Variants in ASPDH observed in about 807,000 individuals in gnomAD.
ASPDH encodes the protein aspartate dehydrogenase domain containing.
A neutral mutation model predicts 30.5 loss-of-function variants in ASPDH; 25 were observed. The ratio of observed to expected loss-of-function variants is 0.82; its 90% CI spans 0.60 to 1.14. The LOEUF is 1.14. Ranked by LOEUF, ASPDH falls within the 50% of genes most tolerant of loss-of-function variation. ASPDH has a pLI of 0.00. For missense variants in ASPDH, 401 were observed against 381.5 expected (o/e 1.05, Z -0.43); for synonymous variants, 168 against 156.3 (o/e 1.07, Z -0.56).
chr19:50,512,044 G>A, intron 6 of ASPDH, 92 bp downstream of exon 6: 1 of 1,140,022 alleles, frequency 8.8e-7, no homozygotes, highest in Non-Finnish European at 1.2e-6. Context: ...AACAAATACA[G>A]AACCAGAACT....
At position 50,512,651 on chromosome 19, in the gene ASPDH, C is replaced by A; in HGVS notation, c.432+10G>T. The A allele has an allele frequency of 6.5e-7, 1 of 1,530,912 alleles. No homozygotes were observed. The highest frequency in any genetic ancestry group is 8.8e-7 in the Non-Finnish European group (1 of 1,138,430). 94.8% of individuals were successfully genotyped at this position (1,530,912 alleles called of 1,614,324 possible). ...CTCCCCTGGTTCCTGGGGAGCCCAG[C>A]AGGCCTCACCCGGAGGCCCCCAGCT... is the stretch of plus-strand genomic sequence containing the variant. On this transcript the variant is annotated intron_variant, in intron 4 of 6. Coordinates refer to ENST00000389208, the MANE Select transcript of ASPDH (RefSeq NM_001114598.2).
Position 50,513,852 on chromosome 19 carries a change from C to A in ASPDH, c.-29G>T. The A allele has an allele frequency of 6.5e-7, 1 of 1,545,932 alleles. No individual in the cohort carries two copies. The highest frequency in any genetic ancestry group is 2.0e-5 in the Admixed American group (1 of 50,290). ...CCTGAGTGCGGTGTCTGGGGCCTGG[C>A]TCCCTGGGCTGCTCGCTGCCCGCTG... On this transcript the variant is annotated 5_prime_UTR_variant, in exon 1 of 7. Transcript: ENST00000389208. The surrounding 1 kb of genome is among the most constrained non-coding windows in gnomAD (Gnocchi z 4.9).
chr19:50,512,862 C>T, intron 3 of ASPDH, 52 bp from the exon 4 acceptor site: 2 of 1,598,630 alleles, frequency 1.3e-6, no homozygotes, highest in South Asian at 1.1e-5. Flanking sequence ...ATATCCACTT[C>T]AGGGTGGGGT....
In ASPDH at chr19:50,511,704, T is replaced by C. The variant is rs1979891122; in HGVS notation, c.*26A>G. 2.3e-6 allele frequency: 3 copies of C among 1,289,172 alleles called. No homozygotes were observed. In the East Asian group the frequency reaches 9.4e-5, roughly 40 times the overall value. The allele number at this position is 1,289,172 out of a possible 1,614,324, so 79.9% of individuals were successfully genotyped here. On this transcript the variant is annotated 3_prime_UTR_variant, in exon 7 of 7. Transcript: ENST00000389208. ...TGGTGGTGAGAGGCCAGGCAGATGA[T>C]CTTGTCTCGGGAGGGAGGAGGCTTC...
rs1417051722 is a variant in ASPDH at position 50,513,102 on chromosome 19, T to C, written c.198-91A>G. 7.6e-7 allele frequency: 1 copy of C among 1,321,420 alleles called. No homozygotes were observed. The highest frequency in any genetic ancestry group is 1.0e-6 in the Non-Finnish European group (1 of 955,190). 81.9% of individuals were successfully genotyped at this position (1,321,420 alleles called of 1,614,324 possible). A position where few individuals can be genotyped will look rare whatever the true frequency, so the allele number is the denominator to read the frequency against. On this transcript the variant is annotated intron_variant, in intron 2 of 6. Transcript: ENST00000389208. The surrounding 1 kb of genome is among the most constrained non-coding windows in gnomAD (Gnocchi z 4.9). ...CTCCGAGTCTACTGAGGGCTGCCCT[T>C]CTTCTCCCTGACCTGGGAGGCGAAA...
At chr19:50,514,564 G>A (rs373522522), upstream of ASPDH, 28 of 1,613,336 alleles carry the variant, frequency 1.7e-5, no homozygotes, top group African/African-American at 4.0e-5. Flanking sequence ...CGTCCCTCCC[G>A]TTCCCCAGCT....
In ASPDH at chr19:50,512,771, G is replaced by A. The variant is rs1162111256; in HGVS notation, c.322C>T (p.Arg108Trp). Residue 108 changes from arginine to tryptophan, a missense_variant, in exon 4 of 7, where the codon CGG becomes TGG. Transcript: ENST00000389208. ...PSALSDQTTERQLLEASQHWD... is the reference protein window; with the variant it reads ...PSALSDQTTEWQLLEASQHWD... ...TGCTGTGAGGCCTCCAAGAGCTGCC[G>A]CTCTGTGGTCTGGTCACTTAGAGCT... 1 of 1,574,026 alleles carries A rather than the reference G, an allele frequency of 6.4e-7. No individual in the cohort carries two copies. The highest frequency in any genetic ancestry group is 2.3e-5 in the East Asian group (1 of 43,104).
chr19:50,513,772 C>G lies in ASPDH; in HGVS notation c.52G>C (p.Gly18Arg). Residue 18 changes from glycine (G) to arginine (R), a missense_variant and splice_region_variant, in exon 1 of 7, where the codon GGA becomes CGA. Physicochemically the swap from Gly to Arg is moderately radical, Grantham distance 125. Coordinates refer to ENST00000389208, the MANE Select transcript of ASPDH (RefSeq NM_001114598.2). The surrounding 1 kb of genome is among the most constrained non-coding windows in gnomAD (Gnocchi z 4.9). ...AGGCCAAGGATGGTCAGGGACTCAC[C>G]GAGGCGGCCATAGCCCACCACGCCC... is the stretch of plus-strand genomic sequence containing the variant. ...RVGVVGYGRL[G>R]QSLVSRLLAQ... is the part of the protein sequence containing the mutation. 6.5e-7 allele frequency: 1 copy of G among 1,548,540 alleles called. No homozygotes were observed. Among genetic ancestry groups the G allele is most frequent in the South Asian group, 1.2e-5 (1 of 83,946 alleles).
At chr19:50,513,993 G>A (rs995863210), upstream of ASPDH, 8 of 747,234 alleles carry the variant, frequency 1.1e-5, no homozygotes, top group African/African-American at 3.6e-5. This position sits in a 1 kb window ranked among gnomAD's most constrained non-coding sequence, Gnocchi z 4.9. Context: ...GAGTGGAGGC[G>A]GGAGAACCCT....
Position 50,513,626 on chromosome 19 carries a change from G to A in ASPDH, c.52+146C>T. 5 of 769,394 alleles carry A rather than the reference G, an allele frequency of 6.5e-6. No homozygotes were observed. In the South Asian group the frequency reaches 8.8e-5, roughly 14 times the overall value. The allele number at this position is 769,394 out of a possible 1,614,324, so 47.7% of individuals were successfully genotyped here. ...GGGAGACAGAGACGGAGAGGACAGA[G>A]ACCTGGGGTGGGGGTGCAGTGGGCA... is the stretch of plus-strand genomic sequence containing the variant. On this transcript the variant is annotated intron_variant, in intron 1 of 6. Coordinates refer to ENST00000389208, the MANE Select transcript of ASPDH (RefSeq NM_001114598.2). This position sits in a 1 kb window ranked among gnomAD's most constrained non-coding sequence, Gnocchi z 4.9.
chr19:50,512,467 C>T lies in ASPDH; in HGVS notation c.546G>A (p.Gly182=), dbSNP rs779211101. 2 of 1,599,554 alleles carry T rather than the reference C, an allele frequency of 1.3e-6. No individual in the cohort carries two copies. Among genetic ancestry groups the T allele is most frequent in the East Asian group, 4.5e-5 (2 of 44,834 alleles). Reference sequence around the variant, plus strand: ...AATTTCGCGGGGCAAAGGGGCAGAGCCCACGGACAGGGCCTTCGTAGAGCA... The same window carrying T: ...AATTTCGCGGGGCAAAGGGGCAGAGTCCACGGACAGGGCCTTCGTAGAGCA... The part of the protein sequence containing the change: ...CTVLYEGPVR[G]LCPFAPRNSN... Residue 182 remains glycine, a synonymous_variant, in exon 5 of 7, where the codon GGG becomes GGA. Transcript: ENST00000389208.
rs1462204872 is a variant in ASPDH, at chr19:50,512,778, G to A, written c.315C>T (p.Thr105=). The A allele has an allele frequency of 3.8e-6, 6 of 1,580,570 alleles. No individual in the cohort carries two copies. In the Admixed American group the frequency reaches 9.5e-5, roughly 25 times the overall value. The stretch of plus-strand genomic sequence containing the variant: ...AGGCCTCCAAGAGCTGCCGCTCTGT[G>A]GTCTGGTCACTTAGAGCTGAGGGGG... ...VGSPSALSDQ[T]TERQLLEASQ... The change falls in exon 4 of 7, where the codon ACC becomes ACT. Residue 105 remains threonine, a synonymous_variant. Transcript: ENST00000389208.
chr19:50,513,972 T>A (rs372523265), upstream of ASPDH: 649 of 995,548 alleles, frequency 6.5e-4, 5 homozygotes, highest in African/African-American at 9.9e-3. This position sits in a 1 kb window ranked among gnomAD's most constrained non-coding sequence, Gnocchi z 4.9. Flanking sequence ...CGTGGGGGCG[T>A]GGGCCTGCGG....
chr19:50,514,812 G>T (rs939523286), upstream of ASPDH: 2 of 1,241,380 alleles, frequency 1.6e-6, no homozygotes, highest in East Asian at 3.8e-5. Flanking sequence ...GGGTGGGGGG[G>T]GCGGGCACTG....
intron 6 of ASPDH, 123 bp downstream of exon 6, chr19:50,512,012 AG>A (rs2122726913): frequency 1.1e-6 from 1 of 874,520 alleles, no homozygotes; most frequent in East Asian, 2.7e-5. Context: ...AAGGAAATAA[AG>A]GTCAGAAAGA....
chr19:50,514,430 C>T (rs1238172384), upstream of ASPDH: 2 of 1,613,262 alleles, frequency 1.2e-6, no homozygotes, highest in Non-Finnish European at 1.7e-6. Context: ...CCCACAGCCT[C>T]CGCCCCTGTC....
Position 50,512,744 on chromosome 19 carries a change from A to G in ASPDH, c.349T>C (p.Trp117Arg). The change falls in exon 4 of 7, where the codon TGG becomes CGG. Residue 117 changes from tryptophan to arginine, a missense_variant. Trp to Arg is a moderately radical substitution (Grantham distance 101, BLOSUM62 -3). Transcript: ENST00000389208. ...ERQLLEASQH[W>R]DHAVFVARGA... ...CGGGCCACAAACACGGCGTGGTCCC[A>G]GTGCTGTGAGGCCTCCAAGAGCTGC... The G allele has an allele frequency of 6.4e-7, 1 of 1,557,484 alleles. No individual in the cohort carries two copies. The highest frequency in any genetic ancestry group is 8.7e-7 in the Non-Finnish European group (1 of 1,150,358).
Position 50,512,196 on chromosome 19 carries a change from C to T in ASPDH, c.748G>A (p.Ala250Thr). ...FAVHTRRENP[A>T]EPGAVTGSAT... ...GAGCCGGTGACCGCGCCTGGCTCGG[C>T]AGGGTTCTCTCTGCGGGTGTGCACA... Residue 250 changes from alanine (A) to threonine (T), a missense_variant, in exon 6 of 7, where the codon GCC becomes ACC. Ala to Thr is a moderately conservative substitution (Grantham distance 58, BLOSUM62 0). Coordinates refer to ENST00000389208, the MANE Select transcript of ASPDH (RefSeq NM_001114598.2). The T allele has an allele frequency of 6.2e-7, 1 of 1,607,716 alleles. No individual in the cohort carries two copies. The highest frequency in any genetic ancestry group is 8.5e-7 in the Non-Finnish European group (1 of 1,178,524).
In ASPDH at chr19:50,511,780, G is replaced by A. The variant is rs1487493168; in HGVS notation, c.809-7C>T. 2.3e-6 allele frequency: 3 copies of A among 1,318,042 alleles called. No homozygotes were observed. The African/African-American group carries it at 4.6e-5, about 20-fold the overall frequency. 81.6% of individuals were successfully genotyped at this position (1,318,042 alleles called of 1,614,324 possible). A position where few individuals can be genotyped will look rare whatever the true frequency, so the allele number is the denominator to read the frequency against. Reference sequence around the variant, plus strand: ...GAGGGGAGCTGGCAGCAGGCTGCGGGGAGAGGGGAATGAGCGAATGAGACA... The same window carrying A: ...GAGGGGAGCTGGCAGCAGGCTGCGGAGAGAGGGGAATGAGCGAATGAGACA... On this transcript the variant is annotated splice_region_variant and splice_polypyrimidine_tract_variant and intron_variant, in intron 6 of 6. Transcript: ENST00000389208.
Sources: allele counts gnomAD v4.1 joint callset, GRCh38; gene constraint gnomAD v4.1.1; non-coding constraint Gnocchi (gnomAD v3.1); transcripts MANE v1.5; gene names NCBI Gene and HGNC (gene_info 2026-07-23, HGNC 2026-07-21).